The following CAMK2D variants were observed in gnomAD, a reference collection of about 807,000 sequenced individuals.
CAMK2D encodes calcium/calmodulin-dependent protein kinase type II subunit delta.
CAMK2D carries 37 observed loss-of-function variants against 84.0 expected under a neutral mutation model. That is an observed-to-expected ratio of 0.44 (90% CI 0.34 to 0.58). The LOEUF is 0.58. Ranked by LOEUF, CAMK2D falls within the 20% of genes least tolerant of loss-of-function variation. The pLI, the probability that CAMK2D is intolerant of heterozygous loss-of-function variation, is 0.02. For missense variants in CAMK2D, 448 were observed against 652.5 expected (o/e 0.69, Z 3.41); for synonymous variants, 202 against 212.5 (o/e 0.95, Z 0.43).
chr4:113,622,722 C>A (rs539944746), intron 3 of CAMK2D, among the ~76,000 whole-genome samples: 1 of 152,270 alleles, frequency 6.6e-6, no homozygotes, highest in South Asian at 2.1e-4. Flanking sequence ...CATGTTTGCA[C>A]CACTGCGCTC....
At chr4:113,696,631 C>T (rs889629476) in intron 2 of CAMK2D, among the ~76,000 whole-genome samples, 9 of 152,022 alleles carry the variant, frequency 5.9e-5, no homozygotes, top group African/African-American at 1.2e-4. Flanking sequence ...ATCTTCATCA[C>T]GGATGAGATA....
intron 16 of CAMK2D, among the ~76,000 whole-genome samples, chr4:113,489,494 G>T (rs181409982): frequency 6.6e-6 from 1 of 152,092 alleles, no homozygotes; most frequent in African/African-American, 2.4e-5. Context: ...TGGCTGCAAA[G>T]AATTCCATGG....
chr4:113,462,619 A>T (rs1177680827), intron 17 of CAMK2D, among the ~76,000 whole-genome samples: 2 of 152,156 alleles, frequency 1.3e-5, no homozygotes, highest in Non-Finnish European at 2.9e-5. Context: ...GTATGATCCC[A>T]AGGTTTAGCA....
At chr4:113,648,965 C>G (rs2099162243) in intron 3 of CAMK2D, among the ~76,000 whole-genome samples, 1 of 152,152 alleles carries the variant, frequency 6.6e-6, no homozygotes. Context: ...TAATTTCTCC[C>G]AATGTTTTTT....
At chr4:113,489,621 T>C (rs1271967388) in intron 16 of CAMK2D, among the ~76,000 whole-genome samples, 2 of 149,362 alleles carry the variant, frequency 1.3e-5, no homozygotes, top group African/African-American at 2.5e-5. Flanking sequence ...TGTGTCTTTA[T>C]AGCAGCATGA....
intron 3 of CAMK2D, among the ~76,000 whole-genome samples, chr4:113,615,557 T>C (rs1490411414): frequency 6.6e-6 from 1 of 152,106 alleles, no homozygotes; most frequent in African/African-American, 2.4e-5. Context: ...TCTATGTGGT[T>C]TTTTAAAAAG....
Position 113,732,975 on chromosome 4 carries a change from A to T in CAMK2D, c.160+26345T>A, listed in dbSNP as rs1020662934. On this transcript the variant is annotated intron_variant, in intron 2 of 20. Transcript: ENST00000511664. ...TTTCCAAATGATTTCAAATAAACAC[A>T]GGGTAAAAATTAATTTAAATAAGTA... is the stretch of plus-strand genomic sequence containing the variant. Among the ~76,000 whole-genome samples the T allele has an allele frequency of 1.6e-4, 25 of 152,308 alleles. No homozygotes were observed. The South Asian group carries it at 3.9e-3, about 24-fold the overall frequency.
intron 4 of CAMK2D, among the ~76,000 whole-genome samples, chr4:113,595,379 A>C (rs944809268): frequency 2.0e-5 from 3 of 152,054 alleles, no homozygotes; most frequent in Non-Finnish European, 2.9e-5. Context: ...TTCTAAATTG[A>C]TCTAATAGGT....
At chr4:113,548,210 CA>C (rs2098597968) in intron 5 of CAMK2D, among the ~76,000 whole-genome samples, 1 of 152,118 alleles carries the variant, frequency 6.6e-6, no homozygotes, top group African/African-American at 2.4e-5. Context: ...ATTTAGCTGG[CA>C]ATTAATATCT....
intron 8 of CAMK2D, among the ~76,000 whole-genome samples, chr4:113,520,144 A>G (rs556215901): frequency 6.6e-6 from 1 of 152,150 alleles, no homozygotes; most frequent in Non-Finnish European, 1.5e-5. Context: ...GGTGGCTCAC[A>G]CCTGTAATCC....
In CAMK2D at chr4:113,457,339, T is replaced by C; in HGVS notation, c.1531A>G (p.Ile511Val). 6.2e-7 allele frequency: 1 copy of C among 1,613,652 alleles called. No individual in the cohort carries two copies. Among genetic ancestry groups the C allele is most frequent in the South Asian group, 1.1e-5 (1 of 91,072 alleles). Reference protein sequence around the residue: ...FHRSGSPTVPIKPPCIPNGKE... With the variant: ...FHRSGSPTVPVKPPCIPNGKE... ...TGACAGCCTGGAAATATTTACTTGATGGGTACTGTTGGTGACCCCGAGCGA... is the reference window on the plus strand; with the variant it reads ...TGACAGCCTGGAAATATTTACTTGACGGGTACTGTTGGTGACCCCGAGCGA... Residue 511 changes from isoleucine (I) to valine (V), a missense_variant, in exon 19 of 21, where the codon ATC (isoleucine) becomes GTC (valine). This residue lies in a region of CAMK2D where 219 missense variants were observed against 272.1 expected (regional missense o/e 0.80). Transcript: ENST00000511664.
At chr4:113,528,603 C>T (rs551396675) in intron 8 of CAMK2D, among the ~76,000 whole-genome samples, 18 of 152,058 alleles carry the variant, frequency 1.2e-4, no homozygotes, top group Non-Finnish European at 2.4e-4. Flanking sequence ...TGGTTACTGA[C>T]TATTGTATGC....
rs1425839477 is a variant in CAMK2D at position 113,453,487 on chromosome 4, C to T, written c.*1058G>A. 6.6e-6 allele frequency: 1 copy of T among 152,142 alleles called. No homozygotes were observed. Among genetic ancestry groups the T allele is most frequent in the East Asian group, 1.9e-4 (1 of 5,198 alleles). The allele number at this position is 152,142 out of a possible 1,614,324, so 9.4% of individuals were successfully genotyped here. ...ATCCTAACTTTAAACAATGCAAATA[C>T]CTCCAACATAGTTAGGATACCTAAG... On this transcript the variant is annotated 3_prime_UTR_variant, in exon 21 of 21. Coordinates refer to ENST00000511664, the MANE Select transcript of CAMK2D (RefSeq NM_001321571.2).
At chr4:113,549,036 A>T (rs116296153) in intron 5 of CAMK2D, among the ~76,000 whole-genome samples, 133 of 152,338 alleles carry the variant, frequency 8.7e-4, no homozygotes, top group African/African-American at 3.1e-3. Context: ...ATATTTAGAA[A>T]GAAAAATTTA....
intron 2 of CAMK2D, among the ~76,000 whole-genome samples, chr4:113,755,760 A>C (rs986838425): frequency 1.3e-5 from 2 of 151,994 alleles, no homozygotes; most frequent in African/African-American, 4.8e-5. Context: ...AAATAAACAG[A>C]ATATCAAAGC....
At chr4:113,753,889 G>A (rs891944217) in intron 2 of CAMK2D, 56 of 984,224 alleles carry the variant, frequency 5.7e-5, no homozygotes, top group Non-Finnish European at 6.5e-5. Context: ...ATCTCCCTGG[G>A]CAGAAATAAT....
chr4:113,667,762 T>A (rs184506647), intron 2 of CAMK2D, among the ~76,000 whole-genome samples: 2 of 152,214 alleles, frequency 1.3e-5, no homozygotes, highest in African/African-American at 2.4e-5. Context: ...AACTATGCTA[T>A]GTCATTGTGT....
At chr4:113,653,702 C>T (rs909881211) in intron 3 of CAMK2D, among the ~76,000 whole-genome samples, 1 of 151,804 alleles carries the variant, frequency 6.6e-6, no homozygotes, top group Non-Finnish European at 1.5e-5. Flanking sequence ...ATTTTGTTTC[C>T]AAGGGTTCAA....
intron 17 of CAMK2D, 146 bp downstream of exon 17, chr4:113,465,383 C>A: frequency 1.7e-6 from 1 of 577,170 alleles, no homozygotes; most frequent in Non-Finnish European, 3.0e-6. Context: ...CTCCTAGGGG[C>A]ACTTAGTCAT....
Sources: allele counts gnomAD v4.1 joint callset (sites outside exome capture counted in the v4.1 genomes callset), GRCh38; gene constraint gnomAD v4.1.1; regional missense constraint gnomAD v4.1.1; transcripts MANE v1.5; gene names NCBI Gene and HGNC (gene_info 2026-07-23, HGNC 2026-07-21).